The following YJU2 variants were observed in gnomAD, a reference collection of about 807,000 sequenced individuals.
The protein encoded by YJU2 is YJU2 splicing factor homolog, also known as splicing factor YJU2.
YJU2 carries 28 observed loss-of-function variants against 39.6 expected under a neutral mutation model. The ratio of observed to expected loss-of-function variants is 0.71; its 90% CI spans 0.52 to 0.97. The LOEUF (loss-of-function observed/expected upper bound fraction) is 0.97, where lower values mean the gene tolerates loss of function less well. Ranked by LOEUF, YJU2 falls within the 50% of genes least tolerant of loss-of-function variation. The pLI, the probability that YJU2 is intolerant of heterozygous loss-of-function variation, is 0.00. For missense variants in YJU2, 328 were observed against 430.4 expected (o/e 0.76, Z 2.11); for synonymous variants, 184 against 182.4 (o/e 1.01, Z -0.07).
At chr19:4,257,582 TC>T (rs1971031660) in intron 4 of YJU2, among the ~76,000 whole-genome samples, 1 of 152,190 alleles carries the variant, frequency 6.6e-6, no homozygotes, top group African/African-American at 2.4e-5. Flanking sequence ...CAAGCAATTC[TC>T]CTGCCTCAGC....
At chr19:4,259,482 C>T (rs1406565422) in intron 5 of YJU2, among the ~76,000 whole-genome samples, 1 of 152,146 alleles carries the variant, frequency 6.6e-6, no homozygotes, top group Non-Finnish European at 1.5e-5. Context: ...CGGGCTCAAG[C>T]GTTCCTCCTG....
At chr19:4,249,919 C>A (rs992800192) in intron 2 of YJU2, among the ~76,000 whole-genome samples, 4 of 152,098 alleles carry the variant, frequency 2.6e-5, no homozygotes, top group African/African-American at 9.7e-5. Context: ...GTTGGCCAAG[C>A]TGGTCTCGAA....
chr19:4,268,559 G>A (rs556258734), intron 7 of YJU2, 25 bp from the exon 8 acceptor site: 2 of 1,540,042 alleles, frequency 1.3e-6, no homozygotes, highest in African/African-American at 2.7e-5. Flanking sequence ...GAGCTGAGAT[G>A]AGCTAACTCT....
At chr19:4,251,567 C>T (rs540486226) in intron 3 of YJU2, among the ~76,000 whole-genome samples, 8 of 152,046 alleles carry the variant, frequency 5.3e-5, no homozygotes, top group African/African-American at 1.7e-4. Context: ...GGACTATAAT[C>T]CCAGTTACTC....
chr19:4,267,957 CTTTTTTT>C (rs1174345223), intron 7 of YJU2, among the ~76,000 whole-genome samples, 183 bp downstream of exon 7: 1 of 143,022 alleles, frequency 7.0e-6, no homozygotes, highest in East Asian at 2.0e-4. Flanking sequence ...TTTCTTTTTT[CTTTTTTT>C]TTTTTTGAGA....
chr19:4,262,078 AG>A lies in YJU2; in HGVS notation c.673del (p.Ala225ProfsTer42). 1 of 1,611,988 alleles carries A rather than the reference AG, an allele frequency of 6.2e-7. No individual in the cohort carries two copies. The highest frequency in any genetic ancestry group is 8.5e-7 in the Non-Finnish European group (1 of 1,179,962). On this transcript the variant is annotated frameshift_variant, in exon 6 of 8. Transcript: ENST00000262962. LOFTEE classifies it high-confidence loss of function. ...AGGCTGCTCCCTCGCCCCTGCAGCC[AG>A]CCCTTCGGCCCAACCCCACCGCCAT... is the stretch of plus-strand genomic sequence containing the variant. ...DEAAPSPLQP[A>X]LRPNPTAILD...
At chr19:4,247,645 GTGTGTGTGTGTGTGTGTGTGTGTGTGTGT>G (rs1970939827) in intron 1 of YJU2, among the ~76,000 whole-genome samples, 1 of 67,676 alleles carries the variant, frequency 1.5e-5, no homozygotes, top group Admixed American at 1.5e-4. Context: ...GTGTGTGTGT[GTGTGTGTGTGTGTGTGTGTGTGTGTGTGT>G]GTGTGTGTGT....
intron 6 of YJU2, among the ~76,000 whole-genome samples, chr19:4,264,918 C>G (rs1411978520): frequency 6.6e-6 from 1 of 152,084 alleles, no homozygotes; most frequent in Non-Finnish European, 1.5e-5. Flanking sequence ...ATGTCTGGCC[C>G]CAAGACATTT....
chr19:4,258,142 G>C (rs979349319), intron 4 of YJU2, 100 bp from the exon 5 acceptor site: 8 of 1,478,866 alleles, frequency 5.4e-6, no homozygotes, highest in Non-Finnish European at 6.3e-6. Flanking sequence ...CGTGGGGGTA[G>C]GGGTTCCTCC....
In YJU2 at chr19:4,267,604, T is replaced by G. The variant is rs367646108; in HGVS notation, c.709-20T>G. 2.1e-4 allele frequency: 342 copies of G among 1,609,384 alleles called. No homozygotes were observed. The highest frequency in any genetic ancestry group is 6.3e-4 in the Admixed American group (38 of 59,860). On this transcript the variant is annotated intron_variant, in intron 6 of 7. Coordinates refer to ENST00000262962, the MANE Select transcript of YJU2 (RefSeq NM_018074.6). ...CCTGGATCCGGGCCAGACCCCCACA[T>G]GTGTCCCCATCACCTGCAGGCCCCA...
intron 3 of YJU2, among the ~76,000 whole-genome samples, chr19:4,253,864 C>T (rs1355350178): frequency 1.3e-5 from 2 of 151,622 alleles, no homozygotes; most frequent in Non-Finnish European, 2.9e-5. Flanking sequence ...CACTTTGTAG[C>T]CAAGGCTGGA....
chr19:4,256,181 A>AAAAATATATATATATATAT (rs1001505791), intron 4 of YJU2, among the ~76,000 whole-genome samples: 3 of 125,886 alleles, frequency 2.4e-5, no homozygotes, highest in African/African-American at 9.3e-5. Context: ...AAAAAAAAAA[A>AAAAATATATATATATATAT]ATATATATAT....
At chr19:4,249,472 C>T (rs1251974816) in intron 2 of YJU2, 144 bp downstream of exon 2, 10 of 586,532 alleles carry the variant, frequency 1.7e-5, no homozygotes, top group Non-Finnish European at 3.0e-5. Flanking sequence ...CATTCCAACC[C>T]TCCTTCGCCT....
intron 4 of YJU2, among the ~76,000 whole-genome samples, chr19:4,257,116 C>G (rs770885037): frequency 6.6e-6 from 1 of 152,032 alleles, no homozygotes; most frequent in Non-Finnish European, 1.5e-5. Flanking sequence ...CACTCCCAAC[C>G]TGCCTGGCTC....
intron 6 of YJU2, among the ~76,000 whole-genome samples, chr19:4,264,261 CAAAAAA>C (rs748910280): frequency 0.086 from 3,773 of 43,900 alleles, 117 homozygotes; most frequent in Middle Eastern, 0.2. Context: ...GACTCTGTCT[CAAAAAA>C]AAAAAAAAAA....
chr19:4,250,428 G>A (rs1014088534), intron 2 of YJU2, among the ~76,000 whole-genome samples: 4 of 152,116 alleles, frequency 2.6e-5, no homozygotes, highest in Non-Finnish European at 4.4e-5. Flanking sequence ...GCAGGTGCAC[G>A]GGCCCCCGAA....
intron 6 of YJU2, among the ~76,000 whole-genome samples, chr19:4,266,764 T>A (rs1971118507): frequency 6.6e-6 from 1 of 152,310 alleles, no homozygotes; most frequent in South Asian, 2.1e-4. Context: ...GGAGGATCGC[T>A]TGAGCCAGGA....
intron 5 of YJU2, among the ~76,000 whole-genome samples, chr19:4,260,041 C>T (rs965682088): frequency 6.6e-6 from 1 of 152,078 alleles, no homozygotes; most frequent in African/African-American, 2.4e-5. Context: ...ACCAAGGTTA[C>T]CCTCCAGGCT....
In YJU2 at chr19:4,258,227, C is replaced by T. The variant is rs1298062326; in HGVS notation, c.406-15C>T. On this transcript the variant is annotated splice_polypyrimidine_tract_variant and intron_variant, in intron 4 of 7. Transcript: ENST00000262962. ...GATCCCCATGCACTCAGCCCCGCCGCCCCGCGCCCGCCAGGTGCTGGAGAA... is the reference window on the plus strand; with the variant it reads ...GATCCCCATGCACTCAGCCCCGCCGTCCCGCGCCCGCCAGGTGCTGGAGAA... The T allele has an allele frequency of 1.9e-6, 3 of 1,550,458 alleles. No individual in the cohort carries two copies. The highest frequency in any genetic ancestry group is 2.6e-6 in the Non-Finnish European group (3 of 1,146,552).
Sources: gnomAD v4.1 joint callset for allele counts (sites outside exome capture counted in the v4.1 genomes callset) on GRCh38, gnomAD v4.1.1 for gene constraint, MANE v1.5 for transcripts, NCBI Gene and HGNC (gene_info 2026-07-23, HGNC 2026-07-21) for gene names.